The following MAGI2 variants were observed in gnomAD, a reference collection of about 807,000 sequenced individuals.
The protein encoded by MAGI2 is membrane associated guanylate kinase, WW and PDZ domain containing 2.
MAGI2 carries 35 observed loss-of-function variants against 133.3 expected under a neutral mutation model. The observed-to-expected ratio is 0.26, with a 90% CI of 0.20 to 0.35. MAGI2 has a LOEUF of 0.35. Among genes scored for constraint, MAGI2 ranks in the 10% least tolerant of loss-of-function variants. The probability of loss-of-function intolerance (pLI) is 1.00; values close to 1 mark genes in which losing one functional copy is unlikely to be tolerated. For synonymous variants in MAGI2, 729 were observed against 710.6 expected (o/e 1.03, Z -0.41); for missense variants, 1,636 against 1,863.4 (o/e 0.88, Z 2.25).
At chr7:79,071,626 A>T (rs1814979562) in intron 1 of MAGI2, among the ~76,000 whole-genome samples, 1 of 146,944 alleles carries the variant, frequency 6.8e-6, no homozygotes, top group Admixed American at 6.8e-5. Context: ...GCTTCCTGCA[A>T]TTTTTTTTTT....
At chr7:78,826,744 C>T (rs1436185902) in intron 2 of MAGI2, among the ~76,000 whole-genome samples, 1 of 152,076 alleles carries the variant, frequency 6.6e-6, no homozygotes, top group East Asian at 1.9e-4. Flanking sequence ...AAATATGAAA[C>T]AGCCTCACTG....
intron 1 of MAGI2, among the ~76,000 whole-genome samples, chr7:79,110,465 T>C (rs1357126677): frequency 6.6e-6 from 1 of 152,230 alleles, no homozygotes; most frequent in Non-Finnish European, 1.5e-5. Flanking sequence ...CAAACTTGCA[T>C]GGGGCCTATA....
intron 2 of MAGI2, among the ~76,000 whole-genome samples, chr7:78,697,787 CCT>C (rs1227829766): frequency 6.6e-5 from 10 of 152,062 alleles, no homozygotes; most frequent in African/African-American, 2.4e-4. Context: ...TATTTCTCTC[CCT>C]TTTTATTATG....
At chr7:78,695,835 C>A (rs1817454410) in intron 2 of MAGI2, among the ~76,000 whole-genome samples, 1 of 152,162 alleles carries the variant, frequency 6.6e-6, no homozygotes, top group Admixed American at 6.5e-5. Flanking sequence ...GTTTCTGCTG[C>A]CCCATCAGGA....
At chr7:78,792,595 G>T (rs1237806355) in intron 2 of MAGI2, among the ~76,000 whole-genome samples, 1 of 152,120 alleles carries the variant, frequency 6.6e-6, no homozygotes, top group East Asian at 1.9e-4. Flanking sequence ...ATTCCAATAA[G>T]TACAGATTGA....
intron 2 of MAGI2, among the ~76,000 whole-genome samples, chr7:78,713,501 T>C (rs1483187704): frequency 6.6e-6 from 1 of 152,180 alleles, no homozygotes; most frequent in Non-Finnish European, 1.5e-5. Flanking sequence ...TGGGATGAGA[T>C]ATATCAAGGA....
chr7:79,338,096 T>C (rs751420410), intron 1 of MAGI2, among the ~76,000 whole-genome samples: 4 of 152,154 alleles, frequency 2.6e-5, no homozygotes, highest in Non-Finnish European at 4.4e-5. Context: ...AAAAATACTT[T>C]TGCACTTTTG....
chr7:78,621,402 C>T (rs1807718924), intron 3 of MAGI2: 1 of 151,846 alleles, frequency 6.6e-6, no homozygotes, highest in Non-Finnish European at 1.5e-5. Flanking sequence ...AATTTATTAA[C>T]AATAAAATTC....
At position 78,127,432 on chromosome 7, in the gene MAGI2, T is replaced by C; in HGVS notation, c.3204-16A>G. On this transcript the variant is annotated splice_polypyrimidine_tract_variant and intron_variant, in intron 18 of 21. Coordinates refer to ENST00000354212, the MANE Select transcript of MAGI2 (RefSeq NM_012301.4). Reference sequence around the variant, plus strand: ...CGACCTGTAACTAAATCAATGGAAATGGGATTTGCTTTTGTAACTCTGCAT... The same window carrying C: ...CGACCTGTAACTAAATCAATGGAAACGGGATTTGCTTTTGTAACTCTGCAT... 10 of 1,584,422 alleles carry C rather than the reference T, an allele frequency of 6.3e-6. No homozygotes were observed. The highest frequency in any genetic ancestry group is 8.6e-6 in the Non-Finnish European group (10 of 1,165,304).
At chr7:79,191,393 T>C in intron 1 of MAGI2, among the ~76,000 whole-genome samples, 1 of 138,528 alleles carries the variant, frequency 7.2e-6, no homozygotes, top group African/African-American at 2.7e-5. Context: ...TTTCTTTTTC[T>C]TTTTCTTTCT....
intron 1 of MAGI2, among the ~76,000 whole-genome samples, chr7:79,353,253 C>G (rs1841804500): frequency 6.6e-6 from 1 of 152,116 alleles, no homozygotes; most frequent in Non-Finnish European, 1.5e-5. Flanking sequence ...CACTTCCACC[C>G]CCTCCTCTTC....
At chr7:79,220,450 A>G (rs73147316) in intron 1 of MAGI2, among the ~76,000 whole-genome samples, 10,001 of 152,040 alleles carry the variant, frequency 0.066, 503 homozygotes, top group East Asian at 0.2. Flanking sequence ...TAAGTCTTTA[A>G]TGACCCCAAT....
intron 3 of MAGI2, among the ~76,000 whole-genome samples, chr7:78,550,053 T>C (rs958573893): frequency 6.6e-6 from 1 of 152,110 alleles, no homozygotes; most frequent in Admixed American, 6.5e-5. Context: ...CTTTGTCTCT[T>C]CCATCATGTG....
intron 2 of MAGI2, among the ~76,000 whole-genome samples, chr7:78,629,560 A>G (rs1320603371): frequency 6.6e-6 from 1 of 151,896 alleles, no homozygotes; most frequent in Non-Finnish European, 1.5e-5. Flanking sequence ...TGATTACCCC[A>G]CTCATAATTA....
At chr7:78,701,430 G>T (rs1585129753) in intron 2 of MAGI2, among the ~76,000 whole-genome samples, 1 of 151,948 alleles carries the variant, frequency 6.6e-6, no homozygotes, top group African/African-American at 2.4e-5. Context: ...GTAAGGTAGA[G>T]TACATGTGGG....
chr7:78,081,141 G>A (rs1214023041), intron 20 of MAGI2, among the ~76,000 whole-genome samples: 1 of 152,104 alleles, frequency 6.6e-6, no homozygotes, highest in African/African-American at 2.4e-5. Context: ...TCCTATGGGT[G>A]CCTTCCTCGA....
intron 10 of MAGI2, among the ~76,000 whole-genome samples, chr7:78,216,618 G>A (rs1015127365): frequency 6.6e-6 from 1 of 152,158 alleles, no homozygotes; most frequent in African/African-American, 2.4e-5. Context: ...CATTGAGCCT[G>A]CTTCTCTGCC....
At chr7:78,626,899 AAATAT>A (rs1808423482) in intron 3 of MAGI2, among the ~76,000 whole-genome samples, 1 of 150,654 alleles carries the variant, frequency 6.6e-6, no homozygotes, top group African/African-American at 2.4e-5. Flanking sequence ...TATATATATA[AAATAT>A]AAAATATTTA....
At chr7:78,149,758 G>T (rs1823686665) in intron 16 of MAGI2, among the ~76,000 whole-genome samples, 1 of 152,144 alleles carries the variant, frequency 6.6e-6, no homozygotes, top group African/African-American at 2.4e-5. Flanking sequence ...TCTTTATGAT[G>T]AACAGACTTA....
Sources: allele counts gnomAD v4.1 joint callset (sites outside exome capture counted in the v4.1 genomes callset), GRCh38; gene constraint gnomAD v4.1.1; transcripts MANE v1.5; gene names NCBI Gene and HGNC (gene_info 2026-07-23, HGNC 2026-07-21).